The following DPYD variants were observed in gnomAD, a reference collection of about 807,000 sequenced individuals.
DPYD encodes the protein dihydropyrimidine dehydrogenase [NADP(+)].
In DPYD, 109 loss-of-function variants were observed where a neutral mutation model predicts 116.2. The observed-to-expected ratio is 0.94, with a 90% CI of 0.80 to 1.10. The LOEUF is 1.10. Ranked by LOEUF, DPYD falls within the 50% of genes least tolerant of loss-of-function variation. DPYD has a pLI of 0.00. For synonymous variants in DPYD, 440 were observed against 432.0 expected (o/e 1.02, Z -0.23); for missense variants, 1,302 against 1,254.5 (o/e 1.04, Z -0.57).
chr1:97,619,319 T>C (rs1163945286), intron 8 of DPYD, among the ~76,000 whole-genome samples: 3 of 152,200 alleles, frequency 2.0e-5, no homozygotes, highest in Non-Finnish European at 4.4e-5. Flanking sequence ...TATATCAACC[T>C]GACAACTACT....
chr1:97,632,533 C>A lies in DPYD; in HGVS notation c.851-37367G>T, dbSNP rs188538936. Among the ~76,000 whole-genome samples the A allele has an allele frequency of 2.2e-4, 34 of 152,202 alleles. No individual in the cohort carries two copies. In the East Asian group the frequency reaches 4.6e-3, roughly 21 times the overall value. ...AGAGTAACAAATATTTTAAGACACA[C>A]AATACATTTACAAAATCTGTCTTGG... On this transcript the variant is annotated intron_variant, in intron 8 of 22. Coordinates refer to ENST00000370192, the MANE Select transcript of DPYD (RefSeq NM_000110.4).
chr1:97,573,097 T>C (rs961339397), intron 11 of DPYD, among the ~76,000 whole-genome samples: 4 of 152,068 alleles, frequency 2.6e-5, no homozygotes, highest in South Asian at 2.1e-4. Flanking sequence ...CCTAGATACA[T>C]AAGCTTTCAT....
chr1:97,417,316 T>C (rs1674338140), intron 14 of DPYD, among the ~76,000 whole-genome samples: 1 of 152,212 alleles, frequency 6.6e-6, no homozygotes, highest in African/African-American at 2.4e-5. Context: ...TCTCTGTCTC[T>C]ATTGCTATCT....
chr1:97,090,196 T>C (rs1331582747), intron 21 of DPYD, among the ~76,000 whole-genome samples: 1 of 152,156 alleles, frequency 6.6e-6, no homozygotes, highest in Non-Finnish European at 1.5e-5. Context: ...CAAGTATGTT[T>C]GAATACTGTG....
chr1:97,309,680 A>G (rs889465234), intron 16 of DPYD, among the ~76,000 whole-genome samples: 2 of 151,736 alleles, frequency 1.3e-5, no homozygotes, highest in African/African-American at 2.4e-5. Flanking sequence ...AACTAATCTT[A>G]TCGGGAATAG....
chr1:97,373,558 T>A lies in DPYD; in HGVS notation c.2058+3A>T. 1 of 1,613,372 alleles carries A rather than the reference T, an allele frequency of 6.2e-7. No individual in the cohort carries two copies. ...ACTTAGTGGCAGCTGTCAAGGTCCT[T>A]ACCTGCCCACAGGCCAGGCCCATTC... On this transcript the variant is annotated splice_donor_region_variant and intron_variant, in intron 16 of 22. Coordinates refer to ENST00000370192, the MANE Select transcript of DPYD (RefSeq NM_000110.4).
intron 8 of DPYD, among the ~76,000 whole-genome samples, chr1:97,657,535 TCTC>T (rs1356545241): frequency 2.0e-5 from 3 of 152,148 alleles, no homozygotes; most frequent in Non-Finnish European, 2.9e-5. Flanking sequence ...TGTTGAATGA[TCTC>T]CTCTCAATCA....
intron 20 of DPYD, among the ~76,000 whole-genome samples, chr1:97,155,237 T>A (rs1239605837): frequency 6.6e-6 from 1 of 152,226 alleles, no homozygotes; most frequent in African/African-American, 2.4e-5. Flanking sequence ...TACTTCAAAT[T>A]TCATGCCTCC....
intron 18 of DPYD, among the ~76,000 whole-genome samples, chr1:97,251,339 C>A (rs1570760146): frequency 7.1e-6 from 1 of 141,150 alleles, no homozygotes; most frequent in East Asian, 2.1e-4. Context: ...TTGCAGTGAG[C>A]CGAGATTGCG....
chr1:97,327,409 A>G (rs1668763872), intron 16 of DPYD, among the ~76,000 whole-genome samples: 1 of 152,018 alleles, frequency 6.6e-6, no homozygotes, highest in Non-Finnish European at 1.5e-5. Context: ...ATATTCCTAC[A>G]TTATATTTTT....
At chr1:97,195,634 GTATATATATATATATATATATA>G (rs71071637) in intron 19 of DPYD, among the ~76,000 whole-genome samples, 3,370 of 57,746 alleles carry the variant, frequency 0.058, 355 homozygotes, top group Admixed American at 0.2. Context: ...ATATGTATGT[GTATATATATATATATATATATA>G]TATATATATA....
intron 21 of DPYD, among the ~76,000 whole-genome samples, chr1:97,093,478 C>G (rs1650028496): frequency 6.6e-6 from 1 of 152,158 alleles, no homozygotes; most frequent in African/African-American, 2.4e-5. Context: ...AATATTATAG[C>G]TAATAGTAAC....
chr1:97,395,271 C>T (rs1215124725), intron 14 of DPYD, among the ~76,000 whole-genome samples: 2 of 151,348 alleles, frequency 1.3e-5, no homozygotes, highest in Non-Finnish European at 2.9e-5. Flanking sequence ...GTTCTAGATC[C>T]TTTTATAATT....
chr1:97,547,849 A>G (rs1024860477), intron 12 of DPYD, among the ~76,000 whole-genome samples: 1 of 152,074 alleles, frequency 6.6e-6, no homozygotes, highest in African/African-American at 2.4e-5. Flanking sequence ...CTGGGACACC[A>G]CGGTTTGGCC....
intron 1 of DPYD, among the ~76,000 whole-genome samples, chr1:97,889,238 A>T (rs1164077960): frequency 6.6e-6 from 1 of 152,078 alleles, no homozygotes; most frequent in Non-Finnish European, 1.5e-5. Context: ...GAAAGTAAGT[A>T]ACCATAACTT....
chr1:97,559,789 T>A (rs1357179612), intron 11 of DPYD, among the ~76,000 whole-genome samples: 1 of 149,818 alleles, frequency 6.7e-6, no homozygotes, highest in Non-Finnish European at 1.5e-5. Flanking sequence ...AGCTGTATTA[T>A]CATGCACTCA....
At chr1:97,161,099 G>A (rs1570576626) in intron 20 of DPYD, among the ~76,000 whole-genome samples, 1 of 152,162 alleles carries the variant, frequency 6.6e-6, no homozygotes, top group Non-Finnish European at 1.5e-5. Flanking sequence ...GAAGCAGGCA[G>A]ACTTCCTTCT....
At chr1:97,692,124 C>A (rs1441870420) in intron 6 of DPYD, among the ~76,000 whole-genome samples, 6 of 151,828 alleles carry the variant, frequency 4.0e-5, no homozygotes, top group Non-Finnish European at 8.8e-5. Flanking sequence ...AATAATAATT[C>A]TATAAATTCC....
chr1:97,424,949 C>G lies in DPYD; in HGVS notation c.1905+25110G>C, dbSNP rs1378936480. Among the ~76,000 whole-genome samples, 3 of 151,964 alleles carry G rather than the reference C, an allele frequency of 2.0e-5. No individual in the cohort carries two copies. In the South Asian group the frequency reaches 6.2e-4, roughly 32 times the overall value. On this transcript the variant is annotated intron_variant, in intron 14 of 22. Coordinates refer to ENST00000370192, the MANE Select transcript of DPYD (RefSeq NM_000110.4). Reference sequence around the variant, plus strand: ...ACTTAATCAATTCAGTTTTTCAGATCTGAAAATTTTTTTGTGTTAAAAATA... The same window carrying G: ...ACTTAATCAATTCAGTTTTTCAGATGTGAAAATTTTTTTGTGTTAAAAATA...
Sources: allele counts gnomAD v4.1 joint callset (sites outside exome capture counted in the v4.1 genomes callset), GRCh38; gene constraint gnomAD v4.1.1; transcripts MANE v1.5; gene names NCBI Gene and HGNC (gene_info 2026-07-23, HGNC 2026-07-21).